Variants in TBC1D2B observed in about 807,000 individuals in gnomAD.
The protein encoded by TBC1D2B is TBC1 domain family member 2B.
Under a neutral mutation model 100.8 loss-of-function variants are expected in TBC1D2B, and 64 were observed. The ratio of observed to expected loss-of-function variants is 0.64; its 90% CI spans 0.52 to 0.78. The LOEUF (loss-of-function observed/expected upper bound fraction) is 0.78, where lower values mean the gene tolerates loss of function less well. Ranked by LOEUF, TBC1D2B falls within the 30% of genes least tolerant of loss-of-function variation. The pLI, the probability that TBC1D2B is intolerant of heterozygous loss-of-function variation, is 0.00. For synonymous variants in TBC1D2B, 480 were observed against 479.7 expected (o/e 1.00, Z -0.01); for missense variants, 1,052 against 1,218.4 (o/e 0.86, Z 2.03).
Position 78,000,952 on chromosome 15 carries a change from CCTGT to C in TBC1D2B, c.2696+663_2696+666del, listed in dbSNP as rs528432179. Among the ~76,000 whole-genome samples the C allele has an allele frequency of 1.7e-4, 26 of 152,348 alleles. 1 individual carries two copies. The highest frequency in any genetic ancestry group is 4.8e-4 in the African/African-American group (20 of 41,582). On this transcript the variant is annotated intron_variant, in intron 12 of 12. Coordinates refer to ENST00000300584, the MANE Select transcript of TBC1D2B (RefSeq NM_144572.2). The stretch of plus-strand genomic sequence containing the variant: ...AGCCACCAGTCCTGCCCCAATCTGA[CCTGT>C]CTGTCTCTTGCCTAACCCTGCAGGA...
chr15:78,009,129 A>T lies in TBC1D2B; in HGVS notation c.2271-15T>A. 1 of 1,561,252 alleles carries T rather than the reference A, an allele frequency of 6.4e-7. No individual in the cohort carries two copies. The highest frequency in any genetic ancestry group is 1.4e-5 in the African/African-American group (1 of 73,950). On this transcript the variant is annotated splice_polypyrimidine_tract_variant and intron_variant, in intron 9 of 12. Transcript: ENST00000300584. ...CTGCCACCAACCTACAAGCAAAGGG[A>T]GGACAAGATGAGAGCCCAGGCACAG...
Position 78,044,917 on chromosome 15 carries a change from C to T in TBC1D2B, c.666G>A (p.Gln222=). 6.2e-7 allele frequency: 1 copy of T among 1,611,932 alleles called. No individual in the cohort carries two copies. Among genetic ancestry groups the T allele is most frequent in the Non-Finnish European group, 8.5e-7 (1 of 1,178,828 alleles). The change falls in exon 3 of 13, where the codon CAG becomes CAA. Residue 222 remains glutamine (Q), a synonymous_variant. Transcript: ENST00000300584. ...AGACTCACTTGAGCTCATTGCCCCA[C>T]TGTTTCAAAGAGTAAAAATTAATGG... is the stretch of plus-strand genomic sequence containing the variant. ...PNSINFYSLK[Q]WGNELKNSMS...
At chr15:78,003,242 A>G (rs1413775948) in intron 11 of TBC1D2B, 63 bp downstream of exon 11, 2 of 1,509,414 alleles carry the variant, frequency 1.3e-6, no homozygotes, top group East Asian at 4.5e-5. Flanking sequence ...CTCTACCGCC[A>G]CCAACGCTGC....
chr15:78,074,788 C>T (rs374415641), intron 1 of TBC1D2B, among the ~76,000 whole-genome samples: 29 of 152,250 alleles, frequency 1.9e-4, no homozygotes, highest in African/African-American at 6.8e-4. Context: ...CAGTGTGTAA[C>T]TTACTTCTTG....
intron 12 of TBC1D2B, 111 bp from the exon 13 acceptor site, chr15:77,998,466 G>T: frequency 9.8e-7 from 1 of 1,024,250 alleles, no homozygotes; most frequent in Non-Finnish European, 1.4e-6. Context: ...AAGAGCGCTG[G>T]CCAGGCTTGG....
rs530797328 is a variant in TBC1D2B at position 78,001,533 on chromosome 15, G to T, written c.2696+86C>A. ...GTACACCGGGGATGGCTCTGAGTTG[G>T]AAGACAGCAAGGACAGGCTGCTCTC... is the stretch of plus-strand genomic sequence containing the variant. On this transcript the variant is annotated intron_variant, in intron 12 of 12. Transcript: ENST00000300584. The T allele has an allele frequency of 2.1e-6, 3 of 1,460,386 alleles. No individual in the cohort carries two copies. In the South Asian group the frequency reaches 4.2e-5, roughly 20 times the overall value. 90.5% of individuals were successfully genotyped at this position (1,460,386 alleles called of 1,614,324 possible). A position where few individuals can be genotyped will look rare whatever the true frequency, so the allele number is the denominator to read the frequency against.
intron 1 of TBC1D2B, among the ~76,000 whole-genome samples, chr15:78,072,107 A>G (rs2073750670): frequency 6.6e-6 from 1 of 152,216 alleles, no homozygotes; most frequent in Non-Finnish European, 1.5e-5. Context: ...TCACACTGGG[A>G]GCTGGCACTT....
chr15:78,025,989 C>T (rs1351596424), intron 4 of TBC1D2B, among the ~76,000 whole-genome samples: 2 of 151,406 alleles, frequency 1.3e-5, no homozygotes, highest in African/African-American at 4.9e-5. Flanking sequence ...AACCAACATG[C>T]TTCAGCCAGA....
At chr15:78,024,011 G>T in intron 6 of TBC1D2B, 145 bp downstream of exon 6, 1 of 1,020,720 alleles carries the variant, frequency 9.8e-7, no homozygotes, top group Non-Finnish European at 1.4e-6. Flanking sequence ...ATTATTTGAT[G>T]GTAAGTCCTG....
At chr15:78,034,548 A>G in intron 3 of TBC1D2B, 1 of 985,430 alleles carries the variant, frequency 1.0e-6, no homozygotes, top group Non-Finnish European at 1.2e-6. Context: ...GAGAAATAAG[A>G]GCAGGGACAC....
At chr15:78,029,338 G>A (rs931738935) in intron 4 of TBC1D2B, among the ~76,000 whole-genome samples, 2 of 152,140 alleles carry the variant, frequency 1.3e-5, no homozygotes, top group African/African-American at 2.4e-5. Context: ...GATTACAGGC[G>A]TAAGCCACCA....
chr15:78,015,780 G>A (rs2072357120), intron 8 of TBC1D2B, among the ~76,000 whole-genome samples: 1 of 152,240 alleles, frequency 6.6e-6, no homozygotes, highest in Non-Finnish European at 1.5e-5. Context: ...CCTGGCACAT[G>A]GCAAACATCC....
chr15:77,999,453 T>C (rs1469854526), intron 12 of TBC1D2B: 1 of 323,906 alleles, frequency 3.1e-6, no homozygotes, highest in Non-Finnish European at 6.4e-6. Flanking sequence ...ATTTAAATTC[T>C]GAATTCCCCA....
intron 6 of TBC1D2B, among the ~76,000 whole-genome samples, chr15:78,019,747 C>A (rs1309068741): frequency 6.6e-6 from 1 of 151,878 alleles, no homozygotes; most frequent in Non-Finnish European, 1.5e-5. Context: ...AAAAATTTAG[C>A]CAGACGTGAT....
At chr15:78,015,679 A>G (rs2072354543) in intron 8 of TBC1D2B, among the ~76,000 whole-genome samples, 1 of 152,038 alleles carries the variant, frequency 6.6e-6, no homozygotes, top group Admixed American at 6.6e-5. Flanking sequence ...TCACTTCCAT[A>G]CTCCGCTTCT....
chr15:78,046,030 C>G (rs2073188392), intron 2 of TBC1D2B, among the ~76,000 whole-genome samples: 3 of 152,108 alleles, frequency 2.0e-5, no homozygotes, highest in Admixed American at 2.0e-4. Context: ...CTCCTGGGTT[C>G]AAGCGATTCT....
At chr15:78,047,443 T>C (rs575152614) in intron 2 of TBC1D2B, among the ~76,000 whole-genome samples, 1 of 152,152 alleles carries the variant, frequency 6.6e-6, no homozygotes, top group East Asian at 1.9e-4. Context: ...ACAGAATAAA[T>C]ACATTGAGTC....
rs1334971471 is a variant in TBC1D2B, at chr15:78,018,661, A to G, written c.1471-704T>C. 1.6e-4 allele frequency among the ~76,000 whole-genome samples: 24 copies of G among 152,244 alleles called. 1 individual carries two copies. Among genetic ancestry groups the G allele is most frequent in the Admixed American group, 1.6e-3 (24 of 15,276 alleles). On this transcript the variant is annotated intron_variant, in intron 6 of 12. Transcript: ENST00000300584. ...TTCTGCCGAGTCCAACTTTGAGAGCAGGTCGGGGCAGGACACATGTCATAT... is the reference window on the plus strand; with the variant it reads ...TTCTGCCGAGTCCAACTTTGAGAGCGGGTCGGGGCAGGACACATGTCATAT...
intron 1 of TBC1D2B, among the ~76,000 whole-genome samples, 175 bp downstream of exon 1, chr15:78,077,118 G>C (rs1255815523): frequency 6.6e-6 from 1 of 152,260 alleles, no homozygotes; most frequent in Non-Finnish European, 1.5e-5. Context: ...CCTAAGCCCA[G>C]ATAGTGGGGA....
Sources: gnomAD v4.1 joint callset for allele counts (sites outside exome capture counted in the v4.1 genomes callset) on GRCh38, gnomAD v4.1.1 for gene constraint, MANE v1.5 for transcripts, NCBI Gene and HGNC (gene_info 2026-07-23, HGNC 2026-07-21) for gene names.